R3HDML: variants seen among roughly 807,000 people sequenced by gnomAD.
R3HDML encodes peptidase inhibitor R3HDML.
R3HDML carries 21 observed loss-of-function variants against 24.2 expected under a neutral mutation model. The observed-to-expected ratio is 0.87, with a 90% CI of 0.62 to 1.25. R3HDML has a LOEUF of 1.25. R3HDML is among the 50% of genes most tolerant of loss of function. The pLI is 0.00. For missense variants in R3HDML, 301 were observed against 340.3 expected (o/e 0.88, Z 0.91); for synonymous variants, 133 against 131.5 (o/e 1.01, Z -0.08).
intron 1 of R3HDML, among the ~76,000 whole-genome samples, chr20:44,338,706 G>A (rs1456403469): frequency 6.6e-6 from 1 of 152,202 alleles, no homozygotes; most frequent in African/African-American, 2.4e-5. Context: ...TAGGTTTGAT[G>A]TTTAGCCTGC....
intron 4 of R3HDML, among the ~76,000 whole-genome samples, chr20:44,350,136 C>T (rs2062804866): frequency 6.6e-6 from 1 of 152,052 alleles, no homozygotes; most frequent in Non-Finnish European, 1.5e-5. Flanking sequence ...TAACTAGGCA[C>T]AGTGCTAGGT....
chr20:44,342,928 T>G (rs541957218), intron 2 of R3HDML, among the ~76,000 whole-genome samples: 2 of 152,252 alleles, frequency 1.3e-5, no homozygotes, highest in South Asian at 4.2e-4. Flanking sequence ...CACTCCAGCC[T>G]GGGCAACAGA....
At position 44,343,381 on chromosome 20, in the gene R3HDML, C is replaced by T. The variant is rs780060845; in HGVS notation, c.385C>T (p.Arg129Trp). Residue 129 changes from arginine (R) to tryptophan (W), a missense_variant, in exon 3 of 5, where the codon CGG becomes TGG. Coordinates refer to ENST00000217043, the MANE Select transcript of R3HDML (RefSeq NM_178491.4). ...CCGTGTCCCCCGCCTCCCCAGGTAC[C>T]GGTCCGTAGTGGATCTCATGAAGTC... ...QNLSIHSGQY[R>W]SVVDLMKSWS... 38 of 1,607,978 alleles carry T rather than the reference C, an allele frequency of 2.4e-5. No individual in the cohort carries two copies. The highest frequency in any genetic ancestry group is 1.7e-4 in the South Asian group (15 of 89,884).
intron 4 of R3HDML, chr20:44,347,954 A>ATTTTTT (rs35413702): frequency 1.9e-5 from 2 of 105,426 alleles, no homozygotes; most frequent in Non-Finnish European, 1.9e-5. Flanking sequence ...ATAGCGTCTA[A>ATTTTTT]TTTTTTTTTT....
At chr20:44,343,118 T>G (rs1206244353) in intron 2 of R3HDML, among the ~76,000 whole-genome samples, 2 of 152,210 alleles carry the variant, frequency 1.3e-5, no homozygotes, top group African/African-American at 4.8e-5. Flanking sequence ...CCGTCTGAGA[T>G]GCACCTCCTG....
At chr20:44,349,746 A>G (rs573172627) in intron 4 of R3HDML, among the ~76,000 whole-genome samples, 4 of 152,290 alleles carry the variant, frequency 2.6e-5, no homozygotes, top group African/African-American at 9.6e-5. Flanking sequence ...CAAGAGCTGG[A>G]GGAACAATTT....
intron 4 of R3HDML, among the ~76,000 whole-genome samples, chr20:44,349,146 T>TAAATAAAATA (rs202024132): frequency 0.021 from 3,128 of 145,834 alleles, 96 homozygotes; most frequent in African/African-American, 0.068. Flanking sequence ...TAAAATAAAA[T>TAAATAAAATA]AAATAAAATA....
Position 44,343,398 on chromosome 20 carries a change from C to T in R3HDML, c.402C>T (p.Leu134=). Residue 134 remains leucine, a synonymous_variant, in exon 3 of 5, where the codon CTC becomes CTT. Coordinates refer to ENST00000217043, the MANE Select transcript of R3HDML (RefSeq NM_178491.4). ...HSGQYRSVVD[L]MKSWSEEKWH... The stretch of plus-strand genomic sequence containing the variant: ...CCAGGTACCGGTCCGTAGTGGATCT[C>T]ATGAAGTCCTGGTCTGAGGAGAAGT... 2 of 1,612,182 alleles carry T rather than the reference C, an allele frequency of 1.2e-6. No homozygotes were observed. Among genetic ancestry groups the T allele is most frequent in the Non-Finnish European group, 1.7e-6 (2 of 1,179,150 alleles).
chr20:44,341,435 T>G, intron 2 of R3HDML, 121 bp downstream of exon 2: 1 of 747,726 alleles, frequency 1.3e-6, no homozygotes, highest in Non-Finnish European at 2.1e-6. Context: ...AGACAAGCTC[T>G]CCACCTGCAG....
rs2062759100 is a variant in R3HDML at position 44,337,071 on chromosome 20, G to A, written c.-87G>A. On this transcript the variant is annotated 5_prime_UTR_variant, in exon 1 of 5. Transcript: ENST00000217043. This position sits in a 1 kb window ranked among gnomAD's most constrained non-coding sequence, Gnocchi z 4.7. ...CTCTGGGTCGGCACTGTTGGAGAACGCTCAGGGTCTGGTGCTCTCGTGCCT... is the reference window on the plus strand; with the variant it reads ...CTCTGGGTCGGCACTGTTGGAGAACACTCAGGGTCTGGTGCTCTCGTGCCT... The A allele has an allele frequency of 3.3e-6, 5 of 1,495,122 alleles. No homozygotes were observed. The highest frequency in any genetic ancestry group is 2.6e-5 in the South Asian group (2 of 76,796). 92.6% of individuals were successfully genotyped at this position (1,495,122 alleles called of 1,614,324 possible). A position where few individuals can be genotyped will look rare whatever the true frequency, so the allele number is the denominator to read the frequency against.
At chr20:44,348,431 CTTTCCTTTTCCCTT>C (rs1352871572) in intron 4 of R3HDML, among the ~76,000 whole-genome samples, 1 of 151,754 alleles carries the variant, frequency 6.6e-6, no homozygotes, top group Non-Finnish European at 1.5e-5. Flanking sequence ...TTTCCTTCCC[CTTTCCTTTTCCCTT>C]TTTCCTTTCC....
At chr20:44,340,270 TAG>T (rs1402268454) in intron 1 of R3HDML, among the ~76,000 whole-genome samples, 1 of 151,906 alleles carries the variant, frequency 6.6e-6, no homozygotes, top group Non-Finnish European at 1.5e-5. Context: ...TTTGTATTTT[TAG>T]TAGAGAGGGG....
intron 1 of R3HDML, among the ~76,000 whole-genome samples, chr20:44,340,316 C>T (rs2062768915): frequency 6.6e-6 from 1 of 152,084 alleles, no homozygotes; most frequent in Non-Finnish European, 1.5e-5. Context: ...GTCTCGAACT[C>T]CTGACCTCAA....
At chr20:44,343,992 G>A (rs2146110945) in intron 3 of R3HDML, among the ~76,000 whole-genome samples, 1 of 152,230 alleles carries the variant, frequency 6.6e-6, no homozygotes, top group Non-Finnish European at 1.5e-5. Context: ...TCTAAAAATA[G>A]TGAGGTGTGG....
In R3HDML at chr20:44,337,359, G is replaced by T; in HGVS notation, c.202G>T (p.Asp68Tyr). The change falls in exon 1 of 5, where the codon GAT (aspartate) becomes TAT (tyrosine). Residue 68 changes from aspartate (D) to tyrosine (Y), a missense_variant. Physicochemically the swap from Asp to Tyr is radical, Grantham distance 160 (BLOSUM62 -3). Coordinates refer to ENST00000217043, the MANE Select transcript of R3HDML (RefSeq NM_178491.4). This position sits in a 1 kb window ranked among gnomAD's most constrained non-coding sequence, Gnocchi z 4.7. ...TGTGAGAGACATGAATGCCTTACTG[G>T]ATTATCACAACCACATCCGGGCCAG... Reference protein sequence around the residue: ...ISVRDMNALLDYHNHIRASVY... With the variant: ...ISVRDMNALLYYHNHIRASVY... The T allele has an allele frequency of 6.2e-7, 1 of 1,614,192 alleles. No homozygotes were observed. The highest frequency in any genetic ancestry group is 8.5e-7 in the Non-Finnish European group (1 of 1,180,044).
Position 44,345,398 on chromosome 20 carries a change from C to G in R3HDML, c.629+20C>G. ...CATTAAGTAAGTGCCTGCACCAAGG[C>G]AAAGAGGGCCCTGGGGCCGGCGGGT... On this transcript the variant is annotated intron_variant, in intron 4 of 4. Coordinates refer to ENST00000217043, the MANE Select transcript of R3HDML (RefSeq NM_178491.4). The G allele has an allele frequency of 6.3e-7, 1 of 1,574,802 alleles. No homozygotes were observed. Among genetic ancestry groups the G allele is most frequent in the South Asian group, 1.1e-5 (1 of 88,314 alleles).
chr20:44,345,345 G>A lies in R3HDML; in HGVS notation c.596G>A (p.Arg199Gln), dbSNP rs577662569. 6.4e-5 allele frequency: 103 copies of A among 1,613,998 alleles called. 1 individual carries two copies. The Admixed American group carries it at 1.3e-3, about 21-fold the overall frequency. The change falls in exon 4 of 5, where the codon CGG becomes CAG. Residue 199 changes from arginine (R) to glutamine (Q), a missense_variant. Physicochemically the swap from Arg to Gln is conservative, Grantham distance 43. Coordinates refer to ENST00000217043, the MANE Select transcript of R3HDML (RefSeq NM_178491.4). ...SISVWGNTWH[R>Q]AAYLVCNYAI... ...AGTGTCTGGGGCAACACCTGGCATC[G>A]GGCGGCATACCTGGTCTGCAACTAT...
chr20:44,345,284 C>G lies in R3HDML; in HGVS notation c.535C>G (p.Arg179Gly), dbSNP rs373660156. 1 of 1,613,996 alleles carries G rather than the reference C, an allele frequency of 6.2e-7. No individual in the cohort carries two copies. Among genetic ancestry groups the G allele is most frequent in the East Asian group, 2.2e-5 (1 of 44,888 alleles). The change falls in exon 4 of 5, where the codon CGG (arginine) becomes GGG (glycine). Residue 179 changes from arginine to glycine, a missense_variant. Physicochemically the swap from Arg to Gly is moderately radical, Grantham distance 125. Transcript: ENST00000217043. ...YTQMVWASSN[R>G]LGCAIHTCSS... is the part of the protein sequence containing the mutation. ...CCAGATGGTGTGGGCATCCTCCAAT[C>G]GGCTGGGCTGTGCCATCCACACCTG... is the stretch of plus-strand genomic sequence containing the variant.
intron 4 of R3HDML, 53 bp from the exon 5 acceptor site, chr20:44,350,606 TG>T: frequency 1.9e-6 from 3 of 1,573,022 alleles, no homozygotes; most frequent in Non-Finnish European, 2.6e-6. Context: ...GACATCTGTG[TG>T]AAGGTTACTC....
Sources: gnomAD v4.1 joint callset for allele counts (sites outside exome capture counted in the v4.1 genomes callset) on GRCh38, gnomAD v4.1.1 for gene constraint, Gnocchi (gnomAD v3.1) non-coding constraint, MANE v1.5 for transcripts, NCBI Gene and HGNC (gene_info 2026-07-23, HGNC 2026-07-21) for gene names.